NBAS: variants seen among roughly 807,000 people sequenced by gnomAD.
NBAS encodes the protein NAG/BC035112 fusion.
Under a neutral mutation model 302.5 loss-of-function variants are expected in NBAS, and 219 were observed. The observed-to-expected ratio is 0.72, with a 90% CI of 0.65 to 0.81. The LOEUF (loss-of-function observed/expected upper bound fraction) is 0.81, where lower values mean the gene tolerates loss of function less well. Ranked by LOEUF, NBAS falls within the 30% of genes least tolerant of loss-of-function variation. NBAS has a pLI of 0.00. For synonymous variants in NBAS, 1,118 were observed against 1,021.6 expected (o/e 1.09, Z -1.80); for missense variants, 2,932 against 2,841.6 (o/e 1.03, Z -0.72).
chr2:14,857,729 A>G, the NBAS span, among the ~76,000 whole-genome samples: 1 of 152,182 alleles, frequency 6.6e-6, no homozygotes, highest in Non-Finnish European at 1.5e-5. Flanking sequence ...CTGAAAGAAA[A>G]CATTGGGGAA....
the NBAS span, among the ~76,000 whole-genome samples, chr2:14,822,602 A>G: frequency 6.6e-6 from 1 of 152,214 alleles, no homozygotes; most frequent in East Asian, 1.9e-4. Flanking sequence ...AAATGAAGAT[A>G]GCAAGACCCA....
the NBAS span, among the ~76,000 whole-genome samples, chr2:15,132,846 A>G: frequency 2.4e-3 from 351 of 148,492 alleles, 1 homozygote; most frequent in African/African-American, 7.8e-3. Flanking sequence ...AGGAAACTAT[A>G]TACACATACA....
chr2:15,053,044 T>A, the NBAS span, among the ~76,000 whole-genome samples: 1 of 152,198 alleles, frequency 6.6e-6, no homozygotes. Flanking sequence ...GCATATAAAA[T>A]AACTCTTACA....
At position 15,275,559 on chromosome 2, in the gene NBAS, G is replaced by C. The variant is rs771157474; in HGVS notation, c.5649C>G (p.Tyr1883Ter). The C allele has an allele frequency of 6.2e-7, 1 of 1,614,050 alleles. No individual in the cohort carries two copies. Among genetic ancestry groups the C allele is most frequent in the Non-Finnish European group, 8.5e-7 (1 of 1,180,002 alleles). Residue 1883 changes from tyrosine to a stop codon, truncating the protein, a stop_gained, in exon 44 of 52, where the codon TAC becomes TAG. Coordinates refer to ENST00000281513, the MANE Select transcript of NBAS (RefSeq NM_015909.4). LOFTEE classifies it high-confidence loss of function. ...GGTCACCTGGGTGGAGACGATCAAAGTACTTCATGCAGACATCATAGGCAT... is the reference window on the plus strand; with the variant it reads ...GGTCACCTGGGTGGAGACGATCAAACTACTTCATGCAGACATCATAGGCAT... ...WLHAYDVCMK[Y>*]FDRLHPGDLI...
the NBAS span, among the ~76,000 whole-genome samples, chr2:14,787,108 T>C: frequency 1.3e-5 from 2 of 152,314 alleles, no homozygotes; most frequent in African/African-American, 4.8e-5. Context: ...TCTTTGTTGG[T>C]TTAAAGTCTG....
the NBAS span, among the ~76,000 whole-genome samples, chr2:14,898,665 G>C: frequency 3.3e-5 from 5 of 152,282 alleles, no homozygotes; most frequent in East Asian, 9.7e-4. Flanking sequence ...GGTTTTATCA[G>C]GGGTTTCTGC....
chr2:14,988,194 A>C, the NBAS span, among the ~76,000 whole-genome samples: 2 of 152,220 alleles, frequency 1.3e-5, no homozygotes, highest in Admixed American at 1.3e-4. Flanking sequence ...CAAATATTTT[A>C]CCAACTCTTT....
the NBAS span, among the ~76,000 whole-genome samples, chr2:15,009,693 C>CATATATATATACATATAT: frequency 7.1e-5 from 9 of 126,572 alleles, no homozygotes; most frequent in South Asian, 1.4e-3. Flanking sequence ...TGTAGGAATG[C>CATATATATATACATATAT]ATATATATAT....
chr2:15,303,933 C>G (rs530152380), intron 40 of NBAS, among the ~76,000 whole-genome samples: 1 of 152,122 alleles, frequency 6.6e-6, no homozygotes, highest in Non-Finnish European at 1.5e-5. Context: ...TTAACTGTCT[C>G]ATATGGATTT....
chr2:15,343,400 G>C (rs577604560), intron 35 of NBAS, among the ~76,000 whole-genome samples: 2 of 152,044 alleles, frequency 1.3e-5, no homozygotes, highest in Non-Finnish European at 2.9e-5. Flanking sequence ...CTCAAAATTA[G>C]CTTGCAAACC....
chr2:15,262,906 T>G (rs577864572), intron 44 of NBAS, among the ~76,000 whole-genome samples: 81 of 152,206 alleles, frequency 5.3e-4, no homozygotes, highest in Non-Finnish European at 9.3e-4. Flanking sequence ...AATAAAATGT[T>G]AAATAGCTGG....
chr2:15,341,129 T>C (rs184341103), intron 35 of NBAS, among the ~76,000 whole-genome samples: 30 of 152,328 alleles, frequency 2.0e-4, no homozygotes, highest in African/African-American at 6.7e-4. Flanking sequence ...CTCACACCTG[T>C]AATTCCAGTG....
At chr2:15,309,293 T>C in intron 38 of NBAS, 46 bp from the exon 39 acceptor site, 1 of 1,468,328 alleles carries the variant, frequency 6.8e-7, no homozygotes, top group Non-Finnish European at 9.4e-7. Context: ...TTGCATATGA[T>C]ATTCATAGTT....
chr2:15,045,160 T>C, the NBAS span, among the ~76,000 whole-genome samples: 24 of 152,318 alleles, frequency 1.6e-4, no homozygotes, highest in African/African-American at 5.1e-4. Flanking sequence ...CAGGGAGCTA[T>C]TGTTGACCAC....
Position 15,337,422 on chromosome 2 carries a change from CA to C in NBAS, c.4180-6658del, listed in dbSNP as rs1234297143. 3.1e-4 allele frequency among the ~76,000 whole-genome samples: 47 copies of C among 151,528 alleles called. 1 individual carries two copies. The highest frequency in any genetic ancestry group is 3.1e-3 in the Admixed American group (47 of 15,184). On this transcript the variant is annotated intron_variant, in intron 35 of 51. Transcript: ENST00000281513. Reference sequence around the variant, plus strand: ...CCACTAAAGAACTTACTCATGTAACCAAATACCACCTGTTCCCCAAAAACCT... The same window carrying C: ...CCACTAAAGAACTTACTCATGTAACCAATACCACCTGTTCCCCAAAAACCT...
chr2:14,912,647 T>G, the NBAS span, among the ~76,000 whole-genome samples: 1 of 148,454 alleles, frequency 6.7e-6, no homozygotes, highest in African/African-American at 2.5e-5. Flanking sequence ...ATCCTTCTTC[T>G]GTCACTCCCA....
the NBAS span, among the ~76,000 whole-genome samples, chr2:15,143,281 G>A: frequency 1.3e-3 from 201 of 152,286 alleles, 1 homozygote; most frequent in African/African-American, 4.7e-3. Context: ...CATTGAGCCC[G>A]TGGTCCTGCA....
At chr2:14,810,151 G>A in the NBAS span, among the ~76,000 whole-genome samples, 5 of 152,310 alleles carry the variant, frequency 3.3e-5, no homozygotes, top group East Asian at 9.7e-4. Flanking sequence ...GTGGACTCTT[G>A]AGTTAATGCT....
At chr2:15,424,223 A>T in intron 23 of NBAS, 92 bp downstream of exon 23, 1 of 1,392,546 alleles carries the variant, frequency 7.2e-7, no homozygotes. Context: ...TGATTCCTGC[A>T]CTGCTGTCAG....
Sources: allele counts gnomAD v4.1 joint callset (sites outside exome capture counted in the v4.1 genomes callset), GRCh38; gene constraint gnomAD v4.1.1; transcripts MANE v1.5; gene names NCBI Gene and HGNC (gene_info 2026-07-23, HGNC 2026-07-21).